Variants in PDE4D observed in about 807,000 individuals in gnomAD.
The protein encoded by PDE4D is 3',5'-cyclic-AMP phosphodiesterase 4D.
A neutral mutation model predicts 87.4 loss-of-function variants in PDE4D; 24 were observed. That is an observed-to-expected ratio of 0.27 (90% CI 0.20 to 0.39). PDE4D has a LOEUF of 0.39. Among genes scored for constraint, PDE4D ranks in the 10% least tolerant of loss-of-function variants. The pLI, the probability that PDE4D is intolerant of heterozygous loss-of-function variation, is 1.00. For synonymous variants in PDE4D, 384 were observed against 383.2 expected, an observed-to-expected ratio of 1.00 and a Z score of -0.02; for missense variants, 714 against 1,041.0, an observed-to-expected ratio of 0.69 and a Z score of 4.32.
intron 1 of PDE4D, among the ~76,000 whole-genome samples, chr5:59,521,585 A>G (rs1277656371): frequency 6.6e-6 from 1 of 152,158 alleles, no homozygotes; most frequent in African/African-American, 2.4e-5. Flanking sequence ...TGGCCTCTAA[A>G]CTATTTTTGA....
At chr5:59,163,178 T>C (rs556060043) in intron 5 of PDE4D, among the ~76,000 whole-genome samples, 34 of 150,740 alleles carry the variant, frequency 2.3e-4, no homozygotes, top group African/African-American at 7.8e-4. Flanking sequence ...ACTCCTGGCC[T>C]CAATCGATCC....
intron 1 of PDE4D, among the ~76,000 whole-genome samples, chr5:60,463,286 G>C (rs1217169608): frequency 6.6e-6 from 1 of 152,124 alleles, no homozygotes; most frequent in Non-Finnish European, 1.5e-5. Context: ...TTGGCGTCTA[G>C]TTAATGTGTC....
chr5:60,203,399 C>T (rs1742151905), intron 1 of PDE4D, among the ~76,000 whole-genome samples: 1 of 152,088 alleles, frequency 6.6e-6, no homozygotes, highest in Non-Finnish European at 1.5e-5. Context: ...TAATAAATAG[C>T]TGACTGAGGA....
At chr5:59,910,887 A>G (rs747078977) in intron 3 of PDE4D, among the ~76,000 whole-genome samples, 1 of 152,212 alleles carries the variant, frequency 6.6e-6, no homozygotes, top group Non-Finnish European at 1.5e-5. Flanking sequence ...GACTCCCAGG[A>G]ACTAGACAGT....
chr5:59,985,124 G>GGTTTT (rs1762288988), intron 3 of PDE4D, among the ~76,000 whole-genome samples: 2 of 111,268 alleles, frequency 1.8e-5, no homozygotes, highest in African/African-American at 2.8e-5. Context: ...TTCACCTTTC[G>GGTTTT]TTTTTTGTTT....
At chr5:59,415,480 AG>A (rs1793441686) in intron 1 of PDE4D, among the ~76,000 whole-genome samples, 1 of 152,196 alleles carries the variant, frequency 6.6e-6, no homozygotes, top group South Asian at 2.1e-4. Context: ...GGCACTTGAA[AG>A]GGGGTTAGTA....
At chr5:59,530,912 C>T (rs1814096593) in intron 1 of PDE4D, among the ~76,000 whole-genome samples, 1 of 152,082 alleles carries the variant, frequency 6.6e-6, no homozygotes, top group Admixed American at 6.6e-5. Context: ...GTAGATGGTC[C>T]AAAAAGACTC....
chr5:59,950,350 T>C (rs1392036536), intron 3 of PDE4D, among the ~76,000 whole-genome samples: 1 of 152,108 alleles, frequency 6.6e-6, no homozygotes, highest in African/African-American at 2.4e-5. Flanking sequence ...CTTGTTATCA[T>C]TATAGGTGGT....
chr5:60,464,241 G>A (rs982733042), intron 1 of PDE4D, among the ~76,000 whole-genome samples: 1 of 152,150 alleles, frequency 6.6e-6, no homozygotes, highest in Non-Finnish European at 1.5e-5. Context: ...GAATATGGAT[G>A]GGAGAAAATT....
At chr5:59,304,757 T>G (rs1459374351) in intron 1 of PDE4D, among the ~76,000 whole-genome samples, 1 of 152,164 alleles carries the variant, frequency 6.6e-6, no homozygotes. Flanking sequence ...CACTTGATCA[T>G]GGTGGATTAT....
intron 1 of PDE4D, among the ~76,000 whole-genome samples, chr5:59,597,913 T>G (rs548350527): frequency 6.6e-6 from 1 of 152,148 alleles, no homozygotes; most frequent in Non-Finnish European, 1.5e-5. Context: ...GAATCTATAA[T>G]GCTGAGCACT....
chr5:60,212,313 A>G (rs1743320336), intron 1 of PDE4D, among the ~76,000 whole-genome samples: 1 of 152,142 alleles, frequency 6.6e-6, no homozygotes, highest in South Asian at 2.1e-4. Flanking sequence ...TCTCATGGAA[A>G]AATCCTTTCC....
intron 1 of PDE4D, among the ~76,000 whole-genome samples, chr5:59,235,229 G>T (rs77029834): frequency 0.058 from 8,891 of 152,172 alleles, 316 homozygotes; most frequent in Middle Eastern, 0.14. Context: ...TTACCCACTT[G>T]CCATGTCCAA....
chr5:60,394,888 G>A (rs139891992), intron 1 of PDE4D, among the ~76,000 whole-genome samples: 10 of 152,152 alleles, frequency 6.6e-5, no homozygotes, highest in South Asian at 4.2e-4. Flanking sequence ...ATCTTGCTCC[G>A]GTACAAACAT....
intron 2 of PDE4D, among the ~76,000 whole-genome samples, chr5:60,105,112 G>C (rs991476810): frequency 1.3e-5 from 2 of 152,100 alleles, no homozygotes; most frequent in East Asian, 3.9e-4. Flanking sequence ...TGAAAACTTT[G>C]AAAAAAATTT....
chr5:59,934,006 C>T (rs565528607), intron 3 of PDE4D, among the ~76,000 whole-genome samples: 2 of 151,806 alleles, frequency 1.3e-5, no homozygotes, highest in Non-Finnish European at 2.9e-5. Context: ...TTTTTTGAGA[C>T]AGAGTCTCAA....
chr5:59,626,824 T>C (rs1241225732), intron 1 of PDE4D, among the ~76,000 whole-genome samples: 3 of 152,198 alleles, frequency 2.0e-5, no homozygotes, highest in Non-Finnish European at 4.4e-5. Context: ...AATAGAGGCA[T>C]GTCTAGACCT....
chr5:60,243,273 C>A (rs1034734082), intron 1 of PDE4D, among the ~76,000 whole-genome samples: 2 of 151,658 alleles, frequency 1.3e-5, no homozygotes, highest in African/African-American at 4.8e-5. Context: ...GAACCAGGAA[C>A]AAATCCAAAC....
At chr5:59,838,014 TG>T (rs1742395793) in intron 1 of PDE4D, among the ~76,000 whole-genome samples, 1 of 152,108 alleles carries the variant, frequency 6.6e-6, no homozygotes. Context: ...TAAAGATAGT[TG>T]TTTATAATTT....
Sources: gnomAD v4.1 joint callset for allele counts (sites outside exome capture counted in the v4.1 genomes callset) on GRCh38, gnomAD v4.1.1 for gene constraint, MANE v1.5 for transcripts, NCBI Gene and HGNC (gene_info 2026-07-23, HGNC 2026-07-21) for gene names.